The following RMC1 variants were observed in gnomAD, a reference collection of about 807,000 sequenced individuals.
The protein encoded by RMC1 is regulator of MON1-CCZ1.
Under a neutral mutation model 95.5 loss-of-function variants are expected in RMC1, and 44 were observed. The observed-to-expected ratio is 0.46, with a 90% CI of 0.36 to 0.59. The LOEUF (loss-of-function observed/expected upper bound fraction) is 0.59, where lower values mean the gene tolerates loss of function less well. Ranked by LOEUF, RMC1 falls within the 20% of genes least tolerant of loss-of-function variation. The pLI is 0.00. For missense variants in RMC1, 705 were observed against 819.6 expected, an observed-to-expected ratio of 0.86 and a Z score of 1.71; for synonymous variants, 320 against 303.6, an observed-to-expected ratio of 1.05 and a Z score of -0.56.
chr18:23,529,890 T>G, intron 16 of RMC1, 138 bp from the exon 17 acceptor site: 1 of 1,055,730 alleles, frequency 9.5e-7, no homozygotes, highest in Admixed American at 2.0e-5. Context: ...TTGGGGTCTT[T>G]ACCTGCATGA....
At chr18:23,525,078 C>G (rs953329046) in intron 12 of RMC1, among the ~76,000 whole-genome samples, 8 of 149,898 alleles carry the variant, frequency 5.3e-5, no homozygotes, top group Admixed American at 2.0e-4. Context: ...TCCTGAATAG[C>G]TGGGATTACA....
rs978051184 is a variant in RMC1 at position 23,516,191 on chromosome 18, G to A, written c.550-129G>A. 20 of 1,317,984 alleles carry A rather than the reference G, an allele frequency of 1.5e-5. No homozygotes were observed. In the African/African-American group the frequency reaches 2.3e-4, roughly 15 times the overall value. The allele number at this position is 1,317,984 out of a possible 1,614,324, so 81.6% of individuals were successfully genotyped here. On this transcript the variant is annotated intron_variant, in intron 6 of 19. Coordinates refer to ENST00000269221, the MANE Select transcript of RMC1 (RefSeq NM_013326.5). ...TATGCTGGGCAGACAGGCTGTGAGA[G>A]GACATGGGGGACGGTGGAAAGGATC...
chr18:23,503,671 A>C lies in RMC1; in HGVS notation c.53A>C (p.Glu18Ala). Reference protein sequence around the residue: ...LELCERPVQFEKANPVNCVFF... With the variant: ...LELCERPVQFAKANPVNCVFF... ...CTGTGCGAGCGGCCGGTGCAGTTCG[A>C]GAAGGCGAACCCTGTCAACTGCGTC... is the stretch of plus-strand genomic sequence containing the variant. Residue 18 changes from glutamate to alanine, a missense_variant, in exon 1 of 20, where the codon GAG (glutamate) becomes GCG (alanine). Physicochemically the swap from Glu to Ala is moderately radical, Grantham distance 107. Transcript: ENST00000269221. 6.3e-7 allele frequency: 1 copy of C among 1,593,778 alleles called. No homozygotes were observed. The highest frequency in any genetic ancestry group is 8.5e-7 in the Non-Finnish European group (1 of 1,170,498).
At chr18:23,520,101 C>T in intron 9 of RMC1, 101 bp from the exon 10 acceptor site, 1 of 860,066 alleles carries the variant, frequency 1.2e-6, no homozygotes, top group South Asian at 1.5e-5. Context: ...AATGCAAACA[C>T]AGGCTTTTAA....
At position 23,510,197 on chromosome 18, in the gene RMC1, G is replaced by A. The variant is rs1199297739; in HGVS notation, c.408+918G>A. On this transcript the variant is annotated intron_variant, in intron 5 of 19. Transcript: ENST00000269221. ...ATGTTAGTCAGGCATGGTGGTGTGC[G>A]CCTGTAGTCCCAGCTACTTGGGAGG... 9.2e-5 allele frequency among the ~76,000 whole-genome samples: 14 copies of A among 151,632 alleles called. No individual in the cohort carries two copies. In the South Asian group the frequency reaches 1.0e-3, roughly 11 times the overall value.
intron 2 of RMC1, among the ~76,000 whole-genome samples, chr18:23,505,094 G>A (rs979482321): frequency 6.6e-6 from 1 of 152,130 alleles, no homozygotes; most frequent in African/African-American, 2.4e-5. Context: ...GCCTCCCTCT[G>A]TTCCCCAGGG....
rs776239152 is a variant in RMC1, at chr18:23,531,599, T to G, written c.1895-26T>G. On this transcript the variant is annotated intron_variant, in intron 19 of 19. Transcript: ENST00000269221. Reference sequence around the variant, plus strand: ...TCCCTCATTTCATGCCACATCTAACTGGCAATTAAATCTCTTCCTTTCTAG... The same window carrying G: ...TCCCTCATTTCATGCCACATCTAACGGGCAATTAAATCTCTTCCTTTCTAG... 6.2e-6 allele frequency: 10 copies of G among 1,607,202 alleles called. No homozygotes were observed. In the South Asian group the frequency reaches 1.0e-4, roughly 16 times the overall value.
intron 5 of RMC1, 125 bp from the exon 6 acceptor site, chr18:23,515,731 C>G: frequency 9.3e-7 from 1 of 1,079,028 alleles, no homozygotes; most frequent in Non-Finnish European, 1.3e-6. Context: ...TGGGGTTTTA[C>G]CATTTTGTCC....
At chr18:23,503,745 C>CT (rs2057648591) in intron 1 of RMC1, 25 bp downstream of exon 1, 2 of 1,576,140 alleles carry the variant, frequency 1.3e-6, no homozygotes, top group African/African-American at 2.8e-5. Flanking sequence ...CGCTTCCTCC[C>CT]CCGCGCGGCC....
chr18:23,518,820 G>T (rs890144324), intron 7 of RMC1, 70 bp from the exon 8 acceptor site: 2 of 1,377,624 alleles, frequency 1.5e-6, no homozygotes, highest in Non-Finnish European at 2.1e-6. Context: ...TTACTTAACC[G>T]TGATGCCATT....
intron 15 of RMC1, 58 bp from the exon 16 acceptor site, chr18:23,529,577 T>C (rs2058422619): frequency 1.1e-5 from 16 of 1,454,556 alleles, no homozygotes; most frequent in East Asian, 2.3e-5. Flanking sequence ...TAGAGAGTTA[T>C]ATGCAGCCTC....
At chr18:23,510,385 C>CACTGT (rs1162304624) in intron 5 of RMC1, among the ~76,000 whole-genome samples, 2 of 151,610 alleles carry the variant, frequency 1.3e-5, no homozygotes, top group African/African-American at 4.8e-5. Flanking sequence ...CAGTGGCTCA[C>CACTGT]ACCTGTAATC....
chr18:23,526,587 T>G, intron 12 of RMC1, 50 bp from the exon 13 acceptor site: 1 of 1,591,648 alleles, frequency 6.3e-7, no homozygotes, highest in Non-Finnish European at 8.6e-7. Flanking sequence ...TTTTGGGCTT[T>G]TGTTACGGTT....
chr18:23,520,372 AC>A, intron 10 of RMC1, 59 bp downstream of exon 10: 1 of 1,357,468 alleles, frequency 7.4e-7, no homozygotes, highest in Non-Finnish European at 1.0e-6. Context: ...CTGTGTTCTC[AC>A]CATGATCTTT....
In RMC1 at chr18:23,503,519, A is replaced by C. The variant is rs2057641615; in HGVS notation, c.-100A>C. On this transcript the variant is annotated 5_prime_UTR_variant, in exon 1 of 20. Transcript: ENST00000269221. The stretch of plus-strand genomic sequence containing the variant: ...GCGTCCGCGCCGGGCCCAGAGCCGC[A>C]GCCGCAGCCGCCGCTACAGTCCGGG... 6.7e-6 allele frequency: 5 copies of C among 745,854 alleles called. No individual in the cohort carries two copies. The highest frequency in any genetic ancestry group is 4.5e-5 in the South Asian group (1 of 22,338). The allele number at this position is 745,854 out of a possible 1,614,324, so 46.2% of individuals were successfully genotyped here.
chr18:23,524,496 G>A lies in RMC1; in HGVS notation c.1060+14G>A. On this transcript the variant is annotated intron_variant, in intron 12 of 19. Coordinates refer to ENST00000269221, the MANE Select transcript of RMC1 (RefSeq NM_013326.5). ...GCGCAAGCCAAGGTAGGTCAGCGGGGACAGTTGTCGTGTTACAACATGGTG... is the reference window on the plus strand; with the variant it reads ...GCGCAAGCCAAGGTAGGTCAGCGGGAACAGTTGTCGTGTTACAACATGGTG... 6.2e-7 allele frequency: 1 copy of A among 1,613,426 alleles called. No homozygotes were observed. The highest frequency in any genetic ancestry group is 8.5e-7 in the Non-Finnish European group (1 of 1,179,404).
At chr18:23,520,352 C>G in intron 10 of RMC1, 39 bp downstream of exon 10, 1 of 1,486,732 alleles carries the variant, frequency 6.7e-7, no homozygotes, top group Non-Finnish European at 9.4e-7. Flanking sequence ...GCTGCCCTTT[C>G]ACCATGTGGC....
chr18:23,529,436 G>GC, intron 15 of RMC1, 138 bp downstream of exon 15: 1 of 1,405,358 alleles, frequency 7.1e-7, no homozygotes, highest in Non-Finnish European at 9.5e-7. Flanking sequence ...AGGCCCTAGA[G>GC]CTGGTAGTTT....
chr18:23,527,815 G>T lies in RMC1; in HGVS notation c.1210G>T (p.Ala404Ser), dbSNP rs2058350658. The T allele has an allele frequency of 1.2e-6, 2 of 1,613,964 alleles. No individual in the cohort carries two copies. The highest frequency in any genetic ancestry group is 1.7e-6 in the Non-Finnish European group (2 of 1,179,994). Reference protein sequence around the residue: ...CSQMLSESDRASLPVIATVFD... With the variant: ...CSQMLSESDRSSLPVIATVFD... ...TCCAGTGTTAAGTGAGTCAGACAGAGCATCGCTGCCCGTGATAGCCACTGT... is the reference window on the plus strand; with the variant it reads ...TCCAGTGTTAAGTGAGTCAGACAGATCATCGCTGCCCGTGATAGCCACTGT... The change falls in exon 14 of 20, where the codon GCA (alanine) becomes TCA (serine). Residue 404 changes from alanine (A) to serine (S), a missense_variant. Physicochemically the swap from Ala to Ser is moderately conservative, Grantham distance 99. Transcript: ENST00000269221.
Sources: gnomAD v4.1 joint callset for allele counts (sites outside exome capture counted in the v4.1 genomes callset) on GRCh38, gnomAD v4.1.1 for gene constraint, MANE v1.5 for transcripts, NCBI Gene and HGNC (gene_info 2026-07-23, HGNC 2026-07-21) for gene names.